YWHAE: variants seen among roughly 807,000 people sequenced by gnomAD.
The protein encoded by YWHAE is tyrosine 3-monooxygenase/tryptophan 5-monooxygenase activation protein epsilon.
In YWHAE, 4 loss-of-function variants were observed where a neutral mutation model predicts 30.1. The ratio of observed to expected loss-of-function variants is 0.13; its 90% CI spans 0.07 to 0.30. The LOEUF (loss-of-function observed/expected upper bound fraction) is 0.30. YWHAE is among the 10% of genes least tolerant of loss of function. YWHAE has a pLI of 1.00. For synonymous variants in YWHAE, 118 were observed against 111.8 expected (o/e 1.06, Z -0.35); for missense variants, 121 against 315.9 (o/e 0.38, Z 4.68).
chr17:1,351,007 C>G (rs1232185851), intron 5 of YWHAE, among the ~76,000 whole-genome samples: 2 of 150,402 alleles, frequency 1.3e-5, no homozygotes, highest in Non-Finnish European at 1.5e-5. Flanking sequence ...TGCAGTGAGC[C>G]GAGATCGCAC....
rs142085702 is a variant in YWHAE at position 1,393,419 on chromosome 17, T to C, written c.64+6628A>G. Among the ~76,000 whole-genome samples, 335 of 152,172 alleles carry C rather than the reference T, an allele frequency of 2.2e-3. 2 individuals carry two copies. The highest frequency in any genetic ancestry group is 0.016 in the South Asian group (75 of 4,826). ...ATCAGCCATATCCCAGTACAGACAT[T>C]ATGATAAACTACGGGGCTTTTCTTT... is the stretch of plus-strand genomic sequence containing the variant. On this transcript the variant is annotated intron_variant, in intron 1 of 5. Coordinates refer to ENST00000264335, the MANE Select transcript of YWHAE (RefSeq NM_006761.5).
intron 4 of YWHAE, among the ~76,000 whole-genome samples, chr17:1,359,813 TGTGTGTGTG>T: frequency 1.8e-4 from 1 of 5,452 alleles, no homozygotes; most frequent in Non-Finnish European, 2.9e-4. Flanking sequence ...ACTAAATTGT[TGTGTGTGTG>T]TGTGTGTGTG....
rs978556635 is a variant in YWHAE, at chr17:1,348,038, C to A, written c.716-2539G>T. 24 of 987,588 alleles carry A rather than the reference C, an allele frequency of 2.4e-5. No individual in the cohort carries two copies. In the African/African-American group the frequency reaches 3.5e-4, roughly 14 times the overall value. The allele number at this position is 987,588 out of a possible 1,614,324, so 61.2% of individuals were successfully genotyped here. ...ATTGCAAGGAAAAAGGGAGGGAGAA[C>A]AATCATATGAAAGCAACATTACAAG... On this transcript the variant is annotated intron_variant, in intron 5 of 5. Coordinates refer to ENST00000264335, the MANE Select transcript of YWHAE (RefSeq NM_006761.5).
chr17:1,364,450 TCTC>T (rs1444767444), intron 2 of YWHAE, among the ~76,000 whole-genome samples: 1 of 152,074 alleles, frequency 6.6e-6, no homozygotes, highest in Non-Finnish European at 1.5e-5. Context: ...ATGGTCTCGA[TCTC>T]CTGACCTCGT....
At chr17:1,394,445 A>AAAAAAAAAACAAAAAAAAAAC (rs1567987794) in intron 1 of YWHAE, among the ~76,000 whole-genome samples, 7 of 142,588 alleles carry the variant, frequency 4.9e-5, no homozygotes, top group African/African-American at 2.0e-4. Context: ...ACAAAAAAAA[A>AAAAAAAAAACAAAAAAAAAAC]AAAAAAAAAA....
chr17:1,398,174 A>G (rs1406804688), intron 1 of YWHAE, among the ~76,000 whole-genome samples: 1 of 152,194 alleles, frequency 6.6e-6, no homozygotes. Flanking sequence ...ATTCAAGTAC[A>G]ATTTGTTTCC....
intron 5 of YWHAE, among the ~76,000 whole-genome samples, chr17:1,353,821 G>T (rs1457156714): frequency 6.6e-6 from 1 of 150,812 alleles, no homozygotes; most frequent in African/African-American, 2.4e-5. Flanking sequence ...GAATCCCAGA[G>T]GGAAATGGGA....
chr17:1,356,603 A>G (rs2072747345), intron 4 of YWHAE, among the ~76,000 whole-genome samples: 1 of 152,222 alleles, frequency 6.6e-6, no homozygotes, highest in East Asian at 1.9e-4. Flanking sequence ...AGTATTAGCT[A>G]AATAGCCACA....
intron 1 of YWHAE, among the ~76,000 whole-genome samples, chr17:1,392,184 C>A (rs186951087): frequency 6.6e-6 from 1 of 151,086 alleles, no homozygotes. Context: ...GATCTTGTCT[C>A]GGGAAAAAAG....
intron 1 of YWHAE, among the ~76,000 whole-genome samples, chr17:1,374,292 TG>T (rs1180605678): frequency 6.7e-6 from 1 of 149,458 alleles, no homozygotes; most frequent in African/African-American, 2.5e-5. Context: ...AACTCCAGCC[TG>T]GCAACAGAGC....
chr17:1,356,470 G>C (rs1169325927), intron 4 of YWHAE, among the ~76,000 whole-genome samples: 1 of 152,204 alleles, frequency 6.6e-6, no homozygotes, highest in South Asian at 2.1e-4. Flanking sequence ...CAATGGATAA[G>C]GAGAAAACAA....
At chr17:1,382,639 C>T (rs1188488820) in intron 1 of YWHAE, among the ~76,000 whole-genome samples, 1 of 152,086 alleles carries the variant, frequency 6.6e-6, no homozygotes, top group Non-Finnish European at 1.5e-5. Context: ...GGATTACAGG[C>T]GTGAGCCACC....
At chr17:1,359,292 G>C (rs1411364024) in intron 4 of YWHAE, among the ~76,000 whole-genome samples, 1 of 152,082 alleles carries the variant, frequency 6.6e-6, no homozygotes, top group Non-Finnish European at 1.5e-5. Context: ...TGCAGAGACA[G>C]AACAAGATCC....
intron 1 of YWHAE, among the ~76,000 whole-genome samples, chr17:1,372,914 T>C (rs983851718): frequency 9.9e-5 from 15 of 151,880 alleles, no homozygotes; most frequent in African/African-American, 3.6e-4. Flanking sequence ...CCTGCCTGGG[T>C]GACAGAGTGA....
chr17:1,376,206 C>T (rs753540433), intron 1 of YWHAE, among the ~76,000 whole-genome samples: 1 of 152,120 alleles, frequency 6.6e-6, no homozygotes, highest in Non-Finnish European at 1.5e-5. Context: ...CTTTTGTTTG[C>T]TTCTGTGACA....
chr17:1,396,295 A>C (rs1431815150), intron 1 of YWHAE, among the ~76,000 whole-genome samples: 1 of 150,280 alleles, frequency 6.7e-6, no homozygotes, highest in Non-Finnish European at 1.5e-5. Context: ...ATGGTGGCAC[A>C]TGCCTGTAGT....
At chr17:1,361,751 G>A in intron 3 of YWHAE, 151 bp downstream of exon 3, 2 of 558,218 alleles carry the variant, frequency 3.6e-6, no homozygotes, top group Non-Finnish European at 6.2e-6. Flanking sequence ...TTTCATAATA[G>A]CCCAACCACC....
intron 2 of YWHAE, 24 bp from the exon 3 acceptor site, chr17:1,362,032 A>T (rs377495967): frequency 1.9e-4 from 267 of 1,380,922 alleles, no homozygotes; most frequent in Non-Finnish European, 2.5e-4. Context: ...AATTTTTTTT[A>T]AATCAGATTA....
intron 1 of YWHAE, among the ~76,000 whole-genome samples, chr17:1,390,860 G>C (rs16945795): frequency 0.036 from 5,428 of 152,178 alleles, 119 homozygotes; most frequent in East Asian, 0.052. Flanking sequence ...ATAAATTCAA[G>C]ATAAAAATTT....
Sources: gnomAD v4.1 joint callset for allele counts (sites outside exome capture counted in the v4.1 genomes callset) on GRCh38, gnomAD v4.1.1 for gene constraint, MANE v1.5 for transcripts, NCBI Gene and HGNC (gene_info 2026-07-23, HGNC 2026-07-21) for gene names.